Variants in FAM118A observed in about 807,000 individuals in gnomAD.
The protein encoded by FAM118A is SIR2 antiphage like 2, also known as protein FAM118A.
A neutral mutation model predicts 38.2 loss-of-function variants in FAM118A; 25 were observed. The observed-to-expected ratio is 0.65, with a 90% CI of 0.48 to 0.91. The LOEUF (loss-of-function observed/expected upper bound fraction) is 0.91. Among genes scored for constraint, FAM118A ranks in the 40% least tolerant of loss-of-function variants. FAM118A has a pLI of 0.00. For missense variants in FAM118A, 425 were observed against 463.3 expected, an observed-to-expected ratio of 0.92 and a Z score of 0.76; for synonymous variants, 178 against 184.1, an observed-to-expected ratio of 0.97 and a Z score of 0.27.
In FAM118A at chr22:45,332,596, C is replaced by T; in HGVS notation, c.823C>T (p.Gln275Ter). The T allele has an allele frequency of 6.2e-7, 1 of 1,614,182 alleles. No individual in the cohort carries two copies. The highest frequency in any genetic ancestry group is 1.1e-5 in the South Asian group (1 of 91,086). The change falls in exon 6 of 9, where the codon CAG (glutamine) becomes TAG (stop). Residue 275 changes from glutamine to a stop codon, truncating the protein, a stop_gained. Transcript: ENST00000441876. LOFTEE classifies it high-confidence loss of function. ...KENEDHFFKH[Q>*]ADMLLHGIKV... The stretch of plus-strand genomic sequence containing the variant: ...GAATGAAGACCATTTCTTTAAGCAT[C>T]AGGCAGATATGCTTCTGCACGGAAT...
At chr22:45,336,460 TG>T (rs2086103362) in intron 8 of FAM118A, 49 bp downstream of exon 8, 1 of 1,468,658 alleles carries the variant, frequency 6.8e-7, no homozygotes, top group Non-Finnish European at 9.5e-7. Context: ...TCTCTCTTGT[TG>T]GCAGGCATCT....
intron 4 of FAM118A, chr22:45,329,550 C>CT (rs1226706077): frequency 1.3e-5 from 2 of 152,284 alleles, no homozygotes; most frequent in Non-Finnish European, 2.9e-5. Context: ...TTATTCATAA[C>CT]TAACACTGCT....
intron 8 of FAM118A, 139 bp downstream of exon 8, chr22:45,336,550 C>T: frequency 1.6e-6 from 1 of 636,116 alleles, no homozygotes; most frequent in East Asian, 2.8e-5. Context: ...GGCCAGAGAG[C>T]ACAGGAGGCT....
rs1602026531 is a variant in FAM118A at position 45,340,592 on chromosome 22, G to T, written c.*187G>T. ...AGGGCTCCCCTGTGTGTTGAACTATGCAGGAGGGTGACGCGGACACATTTC... is the reference window on the plus strand; with the variant it reads ...AGGGCTCCCCTGTGTGTTGAACTATTCAGGAGGGTGACGCGGACACATTTC... On this transcript the variant is annotated 3_prime_UTR_variant, in exon 9 of 9. Coordinates refer to ENST00000441876, the MANE Select transcript of FAM118A (RefSeq NM_017911.4). The T allele has an allele frequency of 3.0e-6, 2 of 658,598 alleles. No individual in the cohort carries two copies. The highest frequency in any genetic ancestry group is 2.7e-5 in the East Asian group (1 of 36,882). The allele number at this position is 658,598 out of a possible 1,614,324, so 40.8% of individuals were successfully genotyped here.
At chr22:45,310,853 G>C (rs564501696) in intron 1 of FAM118A, among the ~76,000 whole-genome samples, 1 of 151,790 alleles carries the variant, frequency 6.6e-6, no homozygotes, top group South Asian at 2.1e-4. Flanking sequence ...ACCGGGGAGG[G>C]AGCGAGTTAG....
At position 45,330,702 on chromosome 22, in the gene FAM118A, A is replaced by G. The variant is rs1015320982; in HGVS notation, c.622A>G (p.Lys208Glu). 1 of 1,585,298 alleles carries G rather than the reference A, an allele frequency of 6.3e-7. No individual in the cohort carries two copies. The highest frequency in any genetic ancestry group is 8.6e-7 in the Non-Finnish European group (1 of 1,168,910). The change falls in exon 5 of 9, where the codon AAA becomes GAA. Residue 208 changes from lysine to glutamate, a missense_variant. By Grantham distance (56) the Lys-to-Glu change is moderately conservative. Coordinates refer to ENST00000441876, the MANE Select transcript of FAM118A (RefSeq NM_017911.4). ...CGVVLDPSGY[K>E]DVTQDAEVME... Reference sequence around the variant, plus strand: ...GGTGGTGCTGGACCCATCGGGGTATAAAGACGTCACTCAAGACGCAGAAGT... The same window carrying G: ...GGTGGTGCTGGACCCATCGGGGTATGAAGACGTCACTCAAGACGCAGAAGT...
At chr22:45,333,197 T>C (rs1601973943) in intron 6 of FAM118A, among the ~76,000 whole-genome samples, 1 of 152,278 alleles carries the variant, frequency 6.6e-6, no homozygotes, top group East Asian at 1.9e-4. Context: ...ATTGGAGTAA[T>C]TGGTGTCCTA....
chr22:45,324,892 C>A (rs1047683719), intron 3 of FAM118A, among the ~76,000 whole-genome samples: 1 of 152,162 alleles, frequency 6.6e-6, no homozygotes, highest in African/African-American at 2.4e-5. Flanking sequence ...ACTAAAAATA[C>A]AAAAATTAAC....
rs2086458441 is a variant in FAM118A, at chr22:45,341,643, C to A, written c.*1238C>A. ...TGTGCTGCCGGTGCCCGGGGAGCTT[C>A]TCTGACTGTGACCCGGCAGAGGCTT... On this transcript the variant is annotated 3_prime_UTR_variant, in exon 9 of 9. Coordinates refer to ENST00000441876, the MANE Select transcript of FAM118A (RefSeq NM_017911.4). The A allele has an allele frequency of 6.6e-6, 1 of 152,256 alleles. No homozygotes were observed. Among genetic ancestry groups the A allele is most frequent in the Non-Finnish European group, 1.5e-5 (1 of 68,080 alleles). The allele number at this position is 152,256 out of a possible 1,614,324, so 9.4% of individuals were successfully genotyped here.
chr22:45,330,756 G>C, intron 5 of FAM118A, 25 bp downstream of exon 5: 1 of 1,507,208 alleles, frequency 6.6e-7, no homozygotes, highest in Non-Finnish European at 8.9e-7. Context: ...AATTAGCATC[G>C]GTGCGTCCTC....
chr22:45,312,799 G>A (rs1390096524), intron 1 of FAM118A, among the ~76,000 whole-genome samples: 1 of 152,180 alleles, frequency 6.6e-6, no homozygotes, highest in Non-Finnish European at 1.5e-5. Context: ...GCTGTGCAGA[G>A]CTTCTGTGCC....
intron 1 of FAM118A, among the ~76,000 whole-genome samples, chr22:45,317,221 A>T (rs547109977): frequency 1.3e-5 from 2 of 152,092 alleles, no homozygotes; most frequent in African/African-American, 4.8e-5. Flanking sequence ...CTACTGAAAA[A>T]CCACAAACTT....
intron 8 of FAM118A, among the ~76,000 whole-genome samples, chr22:45,339,361 T>C (rs917836274): frequency 9.9e-5 from 15 of 152,194 alleles, no homozygotes; most frequent in African/African-American, 3.6e-4. Flanking sequence ...ATCACACCAT[T>C]GTACTCCAGC....
At position 45,330,651 on chromosome 22, in the gene FAM118A, C is replaced by G. The variant is rs780952441; in HGVS notation, c.571C>G (p.His191Asp). ...GHMKYGVLHI[H>D]GLYTDPCGVV... ...CATGAAGTACGGCGTCCTCCACATTCACGGCCTCTACACGGACCCCTGCGG... is the reference window on the plus strand; with the variant it reads ...CATGAAGTACGGCGTCCTCCACATTGACGGCCTCTACACGGACCCCTGCGG... Residue 191 changes from histidine to aspartate, a missense_variant, in exon 5 of 9, where the codon CAC (histidine) becomes GAC (aspartate). Physicochemically the swap from His to Asp is moderately conservative, Grantham distance 81. Coordinates refer to ENST00000441876, the MANE Select transcript of FAM118A (RefSeq NM_017911.4). The G allele has an allele frequency of 1.3e-5, 21 of 1,594,516 alleles. No individual in the cohort carries two copies. In the East Asian group the frequency reaches 4.8e-4, roughly 36 times the overall value.
intron 1 of FAM118A, among the ~76,000 whole-genome samples, chr22:45,316,881 C>G (rs969598212): frequency 1.3e-5 from 2 of 152,160 alleles, no homozygotes; most frequent in African/African-American, 2.4e-5. Flanking sequence ...TGTGGATTGA[C>G]TACAGGTGAG....
At position 45,330,643 on chromosome 22, in the gene FAM118A, T is replaced by C; in HGVS notation, c.563T>C (p.Leu188Pro). ...AGAGGGCACATGAAGTACGGCGTCC[T>C]CCACATTCACGGCCTCTACACGGAC... ...WARGHMKYGV[L>P]HIHGLYTDPC... Residue 188 changes from leucine to proline, a missense_variant, in exon 5 of 9, where the codon CTC (leucine) becomes CCC (proline). Leu to Pro is a moderately conservative substitution (Grantham distance 98). Transcript: ENST00000441876. The C allele has an allele frequency of 1.3e-6, 2 of 1,591,794 alleles. No individual in the cohort carries two copies. Among genetic ancestry groups the C allele is most frequent in the South Asian group, 1.1e-5 (1 of 87,610 alleles).
At position 45,340,808 on chromosome 22, in the gene FAM118A, CTT is replaced by C. The variant is rs35399563; in HGVS notation, c.*413_*414del. On this transcript the variant is annotated 3_prime_UTR_variant, in exon 9 of 9. Coordinates refer to ENST00000441876, the MANE Select transcript of FAM118A (RefSeq NM_017911.4). ...CCAAAGAGAAAATACGAAATAGACA[CTT>C]TTTTTTTTTGAGTCAGAGTCTCACT... The C allele has an allele frequency of 2.0e-4, 37 of 186,810 alleles. No individual in the cohort carries two copies. Among genetic ancestry groups the C allele is most frequent in the Middle Eastern group, 2.1e-3 (1 of 470 alleles). The allele number at this position is 186,810 out of a possible 1,614,324, so 11.6% of individuals were successfully genotyped here.
At chr22:45,333,758 T>G (rs1316561391) in intron 6 of FAM118A, among the ~76,000 whole-genome samples, 1 of 152,018 alleles carries the variant, frequency 6.6e-6, no homozygotes, top group Non-Finnish European at 1.5e-5. Context: ...GGGGGATTGC[T>G]TGAGCCCAGG....
Position 45,314,516 on chromosome 22 carries a change from C to T in FAM118A, c.-10+4333C>T, listed in dbSNP as rs118051878. Among the ~76,000 whole-genome samples the T allele has an allele frequency of 4.1e-3, 624 of 152,312 alleles. 31 individuals are homozygous for T. The East Asian group carries it at 0.11, about 26-fold the overall frequency. ...TTACTTTATAGCTTGTTCCCAGCCC[C>T]GTGGGGGAAGTTGACAAAGTCACTG... On this transcript the variant is annotated intron_variant, in intron 1 of 8. Coordinates refer to ENST00000441876, the MANE Select transcript of FAM118A (RefSeq NM_017911.4).
Sources: allele counts gnomAD v4.1 joint callset (sites outside exome capture counted in the v4.1 genomes callset), GRCh38; gene constraint gnomAD v4.1.1; transcripts MANE v1.5; gene names NCBI Gene and HGNC (gene_info 2026-07-23, HGNC 2026-07-21).